The following SKAP2 variants were observed in gnomAD, a reference collection of about 807,000 sequenced individuals.
The protein encoded by SKAP2 is src kinase associated phosphoprotein 2.
Under a neutral mutation model 54.9 loss-of-function variants are expected in SKAP2, and 28 were observed. That is an observed-to-expected ratio of 0.51 (90% confidence interval 0.38 to 0.70). The LOEUF (loss-of-function observed/expected upper bound fraction) is 0.70, where lower values mean the gene tolerates loss of function less well. SKAP2 is among the 30% of genes least tolerant of loss of function. The probability of loss-of-function intolerance (pLI) is 0.00; values close to 1 mark genes in which losing one functional copy is unlikely to be tolerated. For missense variants in SKAP2, 356 were observed against 424.1 expected (o/e 0.84, Z 1.41); for synonymous variants, 137 against 134.3 (o/e 1.02, Z -0.14).
At chr7:26,676,895 G>A (rs1197381135) in intron 11 of SKAP2, among the ~76,000 whole-genome samples, 2 of 152,228 alleles carry the variant, frequency 1.3e-5, no homozygotes, top group Non-Finnish European at 2.9e-5. Context: ...AATGAAAGGA[G>A]CAATACATGG....
intron 4 of SKAP2, among the ~76,000 whole-genome samples, chr7:26,757,955 G>A (rs1584372711): frequency 6.6e-6 from 1 of 152,298 alleles, no homozygotes; most frequent in East Asian, 1.9e-4. Context: ...TAGAGACAGG[G>A]TTTCACCGTG....
intron 4 of SKAP2, among the ~76,000 whole-genome samples, chr7:26,811,195 C>T (rs923328917): frequency 6.6e-5 from 10 of 152,088 alleles, no homozygotes; most frequent in Non-Finnish European, 1.5e-4. Context: ...AAAAAAAAGA[C>T]CTAAATTTCT....
chr7:26,794,280 G>A (rs575148678), intron 4 of SKAP2, among the ~76,000 whole-genome samples: 1 of 152,306 alleles, frequency 6.6e-6, no homozygotes, highest in South Asian at 2.1e-4. Flanking sequence ...TAAAGGAATA[G>A]ACTAGGGTAG....
At position 26,667,668 on chromosome 7, in the gene SKAP2, G is replaced by A. The variant is rs1271362103; in HGVS notation, c.*1998C>T. 2.6e-5 allele frequency: 4 copies of A among 152,710 alleles called. No individual in the cohort carries two copies. In the East Asian group the frequency reaches 5.8e-4, roughly 22 times the overall value. The allele number at this position is 152,710 out of a possible 1,614,324, so 9.5% of individuals were successfully genotyped here. On this transcript the variant is annotated 3_prime_UTR_variant, in exon 13 of 13. Coordinates refer to ENST00000345317, the MANE Select transcript of SKAP2 (RefSeq NM_003930.5). Reference sequence around the variant, plus strand: ...CTCTCCTGGATTAACTGTAAAAGGAGGCAGAAATCTAGATGCTTTCCATCA... The same window carrying A: ...CTCTCCTGGATTAACTGTAAAAGGAAGCAGAAATCTAGATGCTTTCCATCA...
intron 6 of SKAP2, among the ~76,000 whole-genome samples, chr7:26,737,225 A>G (rs1353269682): frequency 1.3e-5 from 2 of 152,210 alleles, no homozygotes; most frequent in Admixed American, 6.5e-5. Context: ...TAAATTCACA[A>G]TATCATACAA....
chr7:26,753,971 A>G (rs1782736480), intron 4 of SKAP2, among the ~76,000 whole-genome samples: 2 of 152,192 alleles, frequency 1.3e-5, no homozygotes, highest in Non-Finnish European at 2.9e-5. Flanking sequence ...TCTAAACTTT[A>G]TAACCACCAA....
chr7:26,736,222 A>G (rs1243803262), intron 6 of SKAP2, among the ~76,000 whole-genome samples: 2 of 152,226 alleles, frequency 1.3e-5, no homozygotes, highest in African/African-American at 4.8e-5. Context: ...CACAAGGTAC[A>G]GATCACAAAG....
chr7:26,757,507 G>A (rs539408622), intron 4 of SKAP2, among the ~76,000 whole-genome samples: 12 of 152,164 alleles, frequency 7.9e-5, no homozygotes, highest in South Asian at 2.1e-4. Context: ...ATTTCTGAGC[G>A]CTCTGTTCTG....
chr7:26,843,968 C>A, intron 4 of SKAP2, 62 bp downstream of exon 4: 1 of 1,002,870 alleles, frequency 1.0e-6, no homozygotes, highest in Non-Finnish European at 1.5e-6. Flanking sequence ...ATAAAACTAC[C>A]ACCCATATAT....
the SKAP2 span, among the ~76,000 whole-genome samples, chr7:26,657,596 T>A: frequency 6.6e-6 from 1 of 152,136 alleles, no homozygotes; most frequent in Non-Finnish European, 1.5e-5. Flanking sequence ...GGCTAAGTAA[T>A]TTATTGCACT....
chr7:26,659,713 T>C, the SKAP2 span, among the ~76,000 whole-genome samples: 2 of 152,104 alleles, frequency 1.3e-5, no homozygotes, highest in Admixed American at 1.3e-4. Flanking sequence ...TTCCCAGTTA[T>C]ATGTGTGTGT....
intron 4 of SKAP2, among the ~76,000 whole-genome samples, chr7:26,770,185 T>C (rs1779768807): frequency 6.6e-6 from 1 of 152,166 alleles, no homozygotes. Flanking sequence ...GCAGTCTGGT[T>C]ACAGTGGCTT....
chr7:26,704,688 G>T (rs1787119409), intron 9 of SKAP2, among the ~76,000 whole-genome samples: 1 of 152,154 alleles, frequency 6.6e-6, no homozygotes, highest in South Asian at 2.1e-4. Flanking sequence ...TGTAGAAAGG[G>T]GCTGCCAAAA....
At chr7:26,829,508 G>A (rs1178687242) in intron 4 of SKAP2, among the ~76,000 whole-genome samples, 1 of 152,080 alleles carries the variant, frequency 6.6e-6, no homozygotes, top group Non-Finnish European at 1.5e-5. Flanking sequence ...ATACCACACT[G>A]CACTACAGCT....
intron 4 of SKAP2, among the ~76,000 whole-genome samples, chr7:26,745,115 G>T (rs1782534479): frequency 6.7e-6 from 1 of 148,686 alleles, no homozygotes; most frequent in Non-Finnish European, 1.5e-5. Context: ...TTTCTAGTTG[G>T]CATTTATATA....
At chr7:26,857,319 A>AAAAAAAAACAAAAAAAAAC in intron 1 of SKAP2, 1 of 235,344 alleles carries the variant, frequency 4.2e-6, no homozygotes, top group Non-Finnish European at 6.8e-6. Flanking sequence ...TTAAAAAAAA[A>AAAAAAAAACAAAAAAAAAC]AAAAAAAAAA....
intron 4 of SKAP2, among the ~76,000 whole-genome samples, chr7:26,837,695 T>C (rs959789709): frequency 6.6e-6 from 1 of 152,112 alleles, no homozygotes; most frequent in African/African-American, 2.4e-5. Flanking sequence ...CTATATTAGG[T>C]GGAGACAGAT....
the SKAP2 span, among the ~76,000 whole-genome samples, chr7:26,661,647 A>G: frequency 2.6e-5 from 4 of 152,170 alleles, no homozygotes; most frequent in Non-Finnish European, 4.4e-5. Flanking sequence ...ATGCATTGAA[A>G]ATTAAAGGAG....
At chr7:26,821,772 T>C (rs1052650361) in intron 4 of SKAP2, among the ~76,000 whole-genome samples, 1 of 152,192 alleles carries the variant, frequency 6.6e-6, no homozygotes, top group African/African-American at 2.4e-5. Flanking sequence ...AAGTCTACCA[T>C]TGGTTCTACC....
Sources: gnomAD v4.1 joint callset for allele counts (sites outside exome capture counted in the v4.1 genomes callset) on GRCh38, gnomAD v4.1.1 for gene constraint, MANE v1.5 for transcripts, NCBI Gene and HGNC (gene_info 2026-07-23, HGNC 2026-07-21) for gene names.